SEMA3E: variants seen among roughly 807,000 people sequenced by gnomAD.
SEMA3E encodes semaphorin 3E.
A neutral mutation model predicts 93.6 loss-of-function variants in SEMA3E; 49 were observed. That is an observed-to-expected ratio of 0.52 (90% CI 0.42 to 0.66). SEMA3E has a LOEUF of 0.66. SEMA3E is among the 30% of genes least tolerant of loss of function. The pLI is 0.00. For missense variants in SEMA3E, 906 were observed against 964.8 expected (o/e 0.94, Z 0.81); for synonymous variants, 363 against 330.7 (o/e 1.10, Z -1.06).
At chr7:83,382,565 A>G (rs1259753786) in intron 16 of SEMA3E, among the ~76,000 whole-genome samples, 3 of 151,906 alleles carry the variant, frequency 2.0e-5, no homozygotes, top group Admixed American at 6.6e-5. Flanking sequence ...TCAGTTATCA[A>G]TTCTGTTTAT....
At chr7:83,580,317 A>G (rs1053937451) in intron 1 of SEMA3E, among the ~76,000 whole-genome samples, 2 of 152,150 alleles carry the variant, frequency 1.3e-5, no homozygotes, top group South Asian at 4.1e-4. Flanking sequence ...ACTAAGTAAT[A>G]TAGTCAAAAC....
At chr7:83,520,361 A>G (rs567954210) in intron 1 of SEMA3E, among the ~76,000 whole-genome samples, 6 of 152,222 alleles carry the variant, frequency 3.9e-5, no homozygotes, top group African/African-American at 1.4e-4. Context: ...TACCTTGGAG[A>G]GAAAGACTTG....
At chr7:83,544,578 A>G (rs556724947) in intron 1 of SEMA3E, among the ~76,000 whole-genome samples, 14 of 152,274 alleles carry the variant, frequency 9.2e-5, no homozygotes, top group Admixed American at 7.2e-4. Flanking sequence ...TATATGCATT[A>G]TCTTATTTAA....
At chr7:83,405,763 T>C (rs1788317036) in intron 8 of SEMA3E, among the ~76,000 whole-genome samples, 182 bp downstream of exon 8, 1 of 152,104 alleles carries the variant, frequency 6.6e-6, no homozygotes, top group Non-Finnish European at 1.5e-5. Flanking sequence ...GAGCCTCTTT[T>C]TGTTCTTGCA....
chr7:83,419,699 T>A (rs942479727), intron 4 of SEMA3E, among the ~76,000 whole-genome samples: 7 of 152,200 alleles, frequency 4.6e-5, no homozygotes, highest in African/African-American at 1.4e-4. Context: ...GAGCATTTTT[T>A]AATGTTTTTT....
intron 5 of SEMA3E, among the ~76,000 whole-genome samples, chr7:83,409,426 A>C (rs1020960082): frequency 3.2e-4 from 48 of 152,262 alleles, no homozygotes; most frequent in African/African-American, 1.2e-3. Flanking sequence ...CCAAGAAACA[A>C]ATGATAACAG....
chr7:83,490,769 C>A (rs1790366814), intron 1 of SEMA3E, among the ~76,000 whole-genome samples: 1 of 152,002 alleles, frequency 6.6e-6, no homozygotes, highest in African/African-American at 2.4e-5. Flanking sequence ...GTAACAGTTA[C>A]AGTAGGGATC....
chr7:83,393,199 G>C (rs183077805), intron 13 of SEMA3E, among the ~76,000 whole-genome samples: 83 of 152,136 alleles, frequency 5.5e-4, no homozygotes, highest in African/African-American at 2.0e-3. Context: ...TCATTATCTT[G>C]CATTACCCAA....
intron 1 of SEMA3E, among the ~76,000 whole-genome samples, chr7:83,616,158 A>G (rs1323936401): frequency 1.3e-5 from 2 of 152,092 alleles, no homozygotes; most frequent in African/African-American, 4.8e-5. Flanking sequence ...ATTATGTGTG[A>G]GTCTATTCTC....
chr7:83,519,748 T>A (rs1249193204), intron 1 of SEMA3E, among the ~76,000 whole-genome samples: 1 of 152,184 alleles, frequency 6.6e-6, no homozygotes, highest in Non-Finnish European at 1.5e-5. Context: ...TTTGTCTTAT[T>A]TCTGTACGCA....
chr7:83,391,556 A>G (rs1788017577), intron 14 of SEMA3E, among the ~76,000 whole-genome samples: 1 of 152,178 alleles, frequency 6.6e-6, no homozygotes, highest in Admixed American at 6.6e-5. Context: ...TTTAGTTCAG[A>G]AATGTCCTCT....
intron 4 of SEMA3E, among the ~76,000 whole-genome samples, chr7:83,427,368 T>G (rs1788794184): frequency 6.6e-6 from 1 of 152,166 alleles, no homozygotes; most frequent in African/African-American, 2.4e-5. Flanking sequence ...GAGGCTTTCT[T>G]TCCCTTGTGA....
At chr7:83,462,687 C>T (rs1198608188) in intron 4 of SEMA3E, among the ~76,000 whole-genome samples, 1 of 151,188 alleles carries the variant, frequency 6.6e-6, no homozygotes, top group African/African-American at 2.4e-5. Flanking sequence ...AGATTAAAGC[C>T]TGTTATCACT....
chr7:83,396,847 G>A (rs916494714), intron 11 of SEMA3E, 118 bp from the exon 12 acceptor site: 2 of 670,162 alleles, frequency 3.0e-6, no homozygotes. Context: ...GGGAGGCCAA[G>A]ATGGGTGTAT....
At chr7:83,439,082 A>T (rs1352666417) in intron 4 of SEMA3E, among the ~76,000 whole-genome samples, 1 of 152,182 alleles carries the variant, frequency 6.6e-6, no homozygotes, top group Non-Finnish European at 1.5e-5. Context: ...ATGGGAAGGA[A>T]GTCATAGTCT....
At chr7:83,518,360 G>A (rs572522977) in intron 1 of SEMA3E, among the ~76,000 whole-genome samples, 45 of 152,092 alleles carry the variant, frequency 3.0e-4, no homozygotes, top group Admixed American at 2.8e-3. Context: ...CAAGTCATAG[G>A]TGAGGAAAGG....
Position 83,400,216 on chromosome 7 carries a change from G to A in SEMA3E, c.1178C>T (p.Thr393Ile), listed in dbSNP as rs1788211153. ...ASKVNGGRYG[T>I]TKDYPDDAIR... ...GGCATCATCAGGATAGTCCTTGGTG[G>A]TTCCGTATCTCCCTCCATTTACTTT... is the stretch of plus-strand genomic sequence containing the variant. The change falls in exon 11 of 17, where the codon ACC becomes ATC. Residue 393 changes from threonine to isoleucine, a missense_variant. By Grantham distance (89) the Thr-to-Ile change is moderately conservative. Coordinates refer to ENST00000643230, the MANE Select transcript of SEMA3E (RefSeq NM_012431.3). 1.2e-6 allele frequency: 2 copies of A among 1,613,916 alleles called. No individual in the cohort carries two copies. The highest frequency in any genetic ancestry group is 1.7e-6 in the Non-Finnish European group (2 of 1,179,928).
At chr7:83,595,514 T>C (rs1232541263) in intron 1 of SEMA3E, among the ~76,000 whole-genome samples, 1 of 152,114 alleles carries the variant, frequency 6.6e-6, no homozygotes, top group Non-Finnish European at 1.5e-5. Flanking sequence ...TCACTGATTT[T>C]TCCACTAATG....
rs1428982411 is a variant in SEMA3E at position 83,490,229 on chromosome 7, C to T, written c.161G>A (p.Gly54Glu). 4 of 1,612,720 alleles carry T rather than the reference C, an allele frequency of 2.5e-6. No homozygotes were observed. The highest frequency in any genetic ancestry group is 3.4e-6 in the Non-Finnish European group (4 of 1,179,416). ...CAGCATTGTATGGAGATCAAGAAAT[C>T]CAAAAGGGCTATGAAATATTGATGT... ...NRTSIFHSPF[G>E]FLDLHTMLLD... The change falls in exon 2 of 17, where the codon GGA becomes GAA. Residue 54 changes from glycine to glutamate, a missense_variant. Physicochemically the swap from Gly to Glu is moderately conservative, Grantham distance 98. Coordinates refer to ENST00000643230, the MANE Select transcript of SEMA3E (RefSeq NM_012431.3).
Sources: allele counts gnomAD v4.1 joint callset (sites outside exome capture counted in the v4.1 genomes callset), GRCh38; gene constraint gnomAD v4.1.1; transcripts MANE v1.5; gene names NCBI Gene and HGNC (gene_info 2026-07-23, HGNC 2026-07-21).